The following NDUFAF7 variants were observed in gnomAD, a reference collection of about 807,000 sequenced individuals.
NDUFAF7 encodes the protein protein arginine methyltransferase NDUFAF7, mitochondrial.
NDUFAF7 carries 48 observed loss-of-function variants against 47.2 expected under a neutral mutation model. That is an observed-to-expected ratio of 1.02 (90% CI 0.81 to 1.29). The LOEUF is 1.29. Ranked by LOEUF, NDUFAF7 falls within the 50% of genes most tolerant of loss-of-function variation. NDUFAF7 has a pLI of 0.00. For synonymous variants in NDUFAF7, 217 were observed against 190.0 expected, an observed-to-expected ratio of 1.14 and a Z score of -1.17; for missense variants, 635 against 537.6, an observed-to-expected ratio of 1.18 and a Z score of -1.79.
At chr2:37,236,261 C>T (rs1665743523) in intron 3 of NDUFAF7, 85 bp downstream of exon 3, 1 of 1,209,888 alleles carries the variant, frequency 8.3e-7, no homozygotes, top group Admixed American at 1.7e-5. Context: ...TAGTGTTCTA[C>T]AGCTTTTTTT....
rs560163114 is a variant in NDUFAF7, at chr2:37,233,609, G to A, written c.216+1343G>A. 1.0e-4 allele frequency among the ~76,000 whole-genome samples: 15 copies of A among 146,016 alleles called. No homozygotes were observed. In the South Asian group the frequency reaches 2.8e-3, roughly 27 times the overall value. On this transcript the variant is annotated intron_variant, in intron 2 of 9. Transcript: ENST00000002125. The stretch of plus-strand genomic sequence containing the variant: ...TGCACTCCAGCCTGGGCAACAGAGC[G>A]AGACTCTGTCTCAAAAAAAAAAAAA...
At chr2:37,265,584 A>G in the NDUFAF7 span, among the ~76,000 whole-genome samples, 1 of 152,172 alleles carries the variant, frequency 6.6e-6, no homozygotes, top group Non-Finnish European at 1.5e-5. Flanking sequence ...CTTAGATTCA[A>G]ACTCTGAATC....
intron 2 of NDUFAF7, among the ~76,000 whole-genome samples, chr2:37,233,061 G>A (rs573752156): frequency 6.6e-6 from 1 of 152,360 alleles, no homozygotes; most frequent in Admixed American, 6.5e-5. Flanking sequence ...GCTTAGACTA[G>A]TGTGGTGGTA....
intron 2 of NDUFAF7, 113 bp from the exon 3 acceptor site, chr2:37,235,983 C>T: frequency 1.0e-6 from 1 of 959,520 alleles, no homozygotes; most frequent in Non-Finnish European, 1.6e-6. Flanking sequence ...GAGGAGAGAA[C>T]TTTCTTACTA....
chr2:37,258,302 C>G (rs1454738919), downstream of NDUFAF7, among the ~76,000 whole-genome samples: 1 of 152,170 alleles, frequency 6.6e-6, no homozygotes, highest in Non-Finnish European at 1.5e-5. Context: ...AATCTGGCTG[C>G]TTCTCGATTT....
downstream of NDUFAF7, chr2:37,256,763 C>T (rs1667985969): frequency 6.2e-7 from 1 of 1,611,460 alleles, no homozygotes; most frequent in Non-Finnish European, 8.5e-7. Flanking sequence ...AAATGTGCCA[C>T]TGAGGCTCAC....
intron 4 of NDUFAF7, among the ~76,000 whole-genome samples, chr2:37,240,149 G>A (rs953124369): frequency 1.3e-5 from 2 of 152,176 alleles, no homozygotes; most frequent in Non-Finnish European, 2.9e-5. Flanking sequence ...AAACAAACAT[G>A]GCTGGGCGCA....
At chr2:37,267,346 T>TAAAAAA in the NDUFAF7 span, 1 of 784,476 alleles carries the variant, frequency 1.3e-6, no homozygotes, top group Non-Finnish European at 1.9e-6. Context: ...TTTGCCTTCT[T>TAAAAAA]AAAAAAAAAA....
chr2:37,264,785 G>T, the NDUFAF7 span, among the ~76,000 whole-genome samples: 1 of 152,160 alleles, frequency 6.6e-6, no homozygotes, highest in Non-Finnish European at 1.5e-5. Context: ...ATTGTCTGCA[G>T]TGGGATCTTT....
In NDUFAF7 at chr2:37,247,473, G is replaced by A. The variant is rs751845207; in HGVS notation, c.954G>A (p.Lys318=). ...TGTTCAAGGGGTTTTGCGACCACAAGCTTCATGATGTCTTAATTGCCCCAG... is the reference window on the plus strand; with the variant it reads ...TGTTCAAGGGGTTTTGCGACCACAAACTTCATGATGTCTTAATTGCCCCAG... ...TDTFRGFCDH[K]LHDVLIAPGT... is the part of the protein sequence containing the mutation. The change falls in exon 9 of 10, where the codon AAG becomes AAA. Residue 318 remains lysine (K), a synonymous_variant. Coordinates refer to ENST00000002125, the MANE Select transcript of NDUFAF7 (RefSeq NM_144736.5). 6.2e-7 allele frequency: 1 copy of A among 1,613,972 alleles called. No homozygotes were observed. The highest frequency in any genetic ancestry group is 8.5e-7 in the Non-Finnish European group (1 of 1,179,920).
the NDUFAF7 span, chr2:37,260,209 A>G: frequency 1.3e-6 from 2 of 1,563,078 alleles, no homozygotes; most frequent in South Asian, 2.4e-5. Flanking sequence ...AAAAAAAAAA[A>G]GGAGTTAAAA....
chr2:37,238,286 T>C (rs7601628), intron 4 of NDUFAF7, among the ~76,000 whole-genome samples: 101,350 of 151,748 alleles, frequency 0.67, 34,357 homozygotes, highest in East Asian at 0.98. Context: ...AAAAATTAGC[T>C]GGGCATGGTG....
At chr2:37,234,189 A>G (rs1665500838) in intron 2 of NDUFAF7, among the ~76,000 whole-genome samples, 1 of 152,200 alleles carries the variant, frequency 6.6e-6, no homozygotes, top group African/African-American at 2.4e-5. Context: ...TTCAAGGTTC[A>G]AAGGATTCTT....
At chr2:37,259,961 T>C in the NDUFAF7 span, among the ~76,000 whole-genome samples, 1 of 152,104 alleles carries the variant, frequency 6.6e-6, no homozygotes, top group African/African-American at 2.4e-5. Flanking sequence ...GGCAAGGAGT[T>C]CGAGACCAGC....
chr2:37,264,114 A>AT, the NDUFAF7 span, among the ~76,000 whole-genome samples: 1 of 151,946 alleles, frequency 6.6e-6, no homozygotes, highest in Non-Finnish European at 1.5e-5. Context: ...CCCCTCCCCA[A>AT]TTTTTTTCCT....
Position 37,237,839 on chromosome 2 carries a change from G to A in NDUFAF7, c.380G>A (p.Arg127Lys). 1 of 1,612,824 alleles carries A rather than the reference G, an allele frequency of 6.2e-7. No individual in the cohort carries two copies. The highest frequency in any genetic ancestry group is 1.3e-5 in the African/African-American group (1 of 75,010). Residue 127 changes from arginine to lysine, a missense_variant, in exon 4 of 10, where the codon AGG becomes AAG. Transcript: ENST00000002125. ...CAGCTGGTGGAACTGGGCCCAGGTA[G>A]GGGAACCCTCGTGGGAGATATTTTG... ...AFQLVELGPGRGTLVGDILRV... is the reference protein window; with the variant it reads ...AFQLVELGPGKGTLVGDILRV...
Position 37,242,656 on chromosome 2 carries a change from A to T in NDUFAF7, c.644A>T (p.His215Leu). 6.2e-7 allele frequency: 1 copy of T among 1,602,138 alleles called. No individual in the cohort carries two copies. The highest frequency in any genetic ancestry group is 8.6e-7 in the Non-Finnish European group (1 of 1,169,454). The change falls in exon 6 of 10, where the codon CAT becomes CTT. Residue 215 changes from histidine (H) to leucine (L), a missense_variant. Physicochemically the swap from His to Leu is moderately conservative, Grantham distance 99. Coordinates refer to ENST00000002125, the MANE Select transcript of NDUFAF7 (RefSeq NM_144736.5). ...VPKGYSFYLA[H>L]EFFDVLPVHK... is the part of the protein sequence containing the mutation. The stretch of plus-strand genomic sequence containing the variant: ...ATAGGGTACAGCTTTTATCTTGCAC[A>T]TGAATTTTTTGATGTTCTTCCTGTG...
chr2:37,247,439 A>G lies in NDUFAF7; in HGVS notation c.937-17A>G, dbSNP rs1553359884. The G allele has an allele frequency of 6.2e-7, 1 of 1,613,898 alleles. No homozygotes were observed. Among genetic ancestry groups the G allele is most frequent in the South Asian group, 1.1e-5 (1 of 91,078 alleles). ...ATAACCATAAAAGGGCAAAAATCTG[A>G]TTTCTTTATGTTCAAGGGGTTTTGC... On this transcript the variant is annotated splice_polypyrimidine_tract_variant and intron_variant, in intron 8 of 9. Coordinates refer to ENST00000002125, the MANE Select transcript of NDUFAF7 (RefSeq NM_144736.5).
At chr2:37,255,712 A>C (rs1252404436), downstream of NDUFAF7, among the ~76,000 whole-genome samples, 1 of 152,212 alleles carries the variant, frequency 6.6e-6, no homozygotes, top group Non-Finnish European at 1.5e-5. Context: ...TGAATACTTA[A>C]GAAAAAAATG....
Sources: gnomAD v4.1 joint callset for allele counts (sites outside exome capture counted in the v4.1 genomes callset) on GRCh38, gnomAD v4.1.1 for gene constraint, MANE v1.5 for transcripts, NCBI Gene and HGNC (gene_info 2026-07-23, HGNC 2026-07-21) for gene names.